Variants in SMC4 observed in about 807,000 individuals in gnomAD.
The protein encoded by SMC4 is structural maintenance of chromosomes protein 4.
A neutral mutation model predicts 145.6 loss-of-function variants in SMC4; 87 were observed. That is an observed-to-expected ratio of 0.60 (90% CI 0.50 to 0.71). SMC4 has a LOEUF of 0.71. SMC4 is among the 30% of genes least tolerant of loss of function. The probability of loss-of-function intolerance (pLI) is 0.00; values close to 1 mark genes in which losing one functional copy is unlikely to be tolerated. For synonymous variants in SMC4, 558 were observed against 500.7 expected, an observed-to-expected ratio of 1.11 and a Z score of -1.53; for missense variants, 1,447 against 1,537.1, an observed-to-expected ratio of 0.94 and a Z score of 0.98.
rs1284256667 is a variant in SMC4, at chr3:160,431,827, T to C, written c.3297+2T>C. On this transcript the variant is annotated splice_donor_variant, in intron 21 of 23. Transcript: ENST00000357388. LOFTEE classifies it high-confidence loss of function. ...GCCATCGCAGAGTATAAAAAGAAGGTATGAATGAACTGTGTATGTATACTA... is the reference window on the plus strand; with the variant it reads ...GCCATCGCAGAGTATAAAAAGAAGGCATGAATGAACTGTGTATGTATACTA... 2 of 1,610,996 alleles carry C rather than the reference T, an allele frequency of 1.2e-6. No homozygotes were observed. The highest frequency in any genetic ancestry group is 1.7e-5 in the Admixed American group (1 of 58,906).
chr3:160,407,221 A>G (rs1265167042), intron 5 of SMC4, among the ~76,000 whole-genome samples: 1 of 152,196 alleles, frequency 6.6e-6, no homozygotes, highest in Admixed American at 6.5e-5. Context: ...TTTCAACTTC[A>G]TATGCTTTTG....
rs1220577474 is a variant in SMC4 at position 160,420,787 on chromosome 3, C to T, written c.1905C>T (p.Ser635=). 1.2e-6 allele frequency: 2 copies of T among 1,613,950 alleles called. No homozygotes were observed. The highest frequency in any genetic ancestry group is 2.2e-5 in the East Asian group (1 of 44,870). Residue 635 remains serine (S), a synonymous_variant, in exon 13 of 24, where the codon TCC becomes TCT. Coordinates refer to ENST00000357388, the MANE Select transcript of SMC4 (RefSeq NM_001002800.3). ...AAAAATACGACGTGGCTATATCATC[C>T]TGTTGTCATGCACTGGACTACATTG... ...IDEKYDVAIS[S]CCHALDYIVV... is the part of the protein sequence containing the mutation.
At chr3:160,420,933 G>C (rs764399162) in intron 13 of SMC4, 32 bp downstream of exon 13, 1 of 1,560,976 alleles carries the variant, frequency 6.4e-7, no homozygotes, top group Non-Finnish European at 8.7e-7. Context: ...CCTATAATTG[G>C]AATTTTTTTT....
At chr3:160,428,278 T>C (rs1003171682) in intron 17 of SMC4, among the ~76,000 whole-genome samples, 1 of 152,208 alleles carries the variant, frequency 6.6e-6, no homozygotes, top group African/African-American at 2.4e-5. Context: ...ACTTTTACTC[T>C]TCGTTGTCAC....
At chr3:160,412,537 T>G in intron 7 of SMC4, 84 bp downstream of exon 7, 2 of 1,441,800 alleles carry the variant, frequency 1.4e-6, no homozygotes, top group Non-Finnish European at 1.8e-6. Flanking sequence ...TAGAGAAACA[T>G]GAAGACTGAA....
intron 20 of SMC4, 120 bp from the exon 21 acceptor site, chr3:160,431,523 A>G: frequency 1.3e-6 from 1 of 788,354 alleles, no homozygotes; most frequent in Non-Finnish European, 2.0e-6. Flanking sequence ...AAAATAATTG[A>G]TAAATCAGTC....
rs373841488 is a variant in SMC4 at position 160,423,356 on chromosome 3, TTTG to T, written c.2020-66_2020-64del. On this transcript the variant is annotated intron_variant, in intron 13 of 23. Coordinates refer to ENST00000357388, the MANE Select transcript of SMC4 (RefSeq NM_001002800.3). ...TTGAATTTATTCCTATGGGTTTTTT[TTTG>T]TTTTTTTTTTTGAGTTTTCTTTTTT... 4,759 of 862,424 alleles carry T rather than the reference TTTG, an allele frequency of 5.5e-3. 120 individuals carry two copies. The highest frequency in any genetic ancestry group is 0.038 in the African/African-American group (1,628 of 42,566). The allele number at this position is 862,424 out of a possible 1,614,324, so 53.4% of individuals were successfully genotyped here.
intron 2 of SMC4, among the ~76,000 whole-genome samples, chr3:160,401,231 C>CA (rs1714601071): frequency 6.6e-6 from 1 of 151,664 alleles, no homozygotes; most frequent in Non-Finnish European, 1.5e-5. Flanking sequence ...TGGTACAGGT[C>CA]ACAAACAAAA....
chr3:160,428,595 C>G (rs1338631449), intron 17 of SMC4, among the ~76,000 whole-genome samples, 158 bp from the exon 18 acceptor site: 1 of 151,652 alleles, frequency 6.6e-6, no homozygotes, highest in African/African-American at 2.4e-5. Flanking sequence ...TGTTTTGATA[C>G]AGGATATCGT....
At position 160,411,668 on chromosome 3, in the gene SMC4, C is replaced by T. The variant is rs530099297; in HGVS notation, c.688-252C>T. On this transcript the variant is annotated intron_variant, in intron 5 of 23. Transcript: ENST00000357388. ...AGTGTGTGTAAGTGGGTGTATATTA[C>T]ACTTTTATAAGGATTTATCTAAGGG... 2.5e-4 allele frequency: 71 copies of T among 286,030 alleles called. No individual in the cohort carries two copies. In the South Asian group the frequency reaches 6.2e-3, roughly 25 times the overall value. 17.7% of individuals were successfully genotyped at this position (286,030 alleles called of 1,614,324 possible).
At chr3:160,402,207 T>G in intron 3 of SMC4, 114 bp downstream of exon 3, 1 of 594,650 alleles carries the variant, frequency 1.7e-6, no homozygotes, top group Non-Finnish European at 2.8e-6. Context: ...CACTCCCTAT[T>G]TATCCTGATA....
chr3:160,418,869 A>G (rs1229660082), intron 11 of SMC4, among the ~76,000 whole-genome samples: 1 of 151,710 alleles, frequency 6.6e-6, no homozygotes, highest in East Asian at 1.9e-4. Context: ...GCATTTTTGT[A>G]TAGCAATAGG....
intron 17 of SMC4, among the ~76,000 whole-genome samples, chr3:160,427,467 G>T (rs1717911954): frequency 1.3e-5 from 2 of 152,100 alleles, no homozygotes; most frequent in Admixed American, 1.3e-4. Context: ...CACAACAATG[G>T]CTTTGATGGT....
chr3:160,429,650 T>C (rs1718164668), intron 18 of SMC4, among the ~76,000 whole-genome samples: 1 of 150,590 alleles, frequency 6.6e-6, no homozygotes, highest in African/African-American at 2.4e-5. Context: ...CCCAGCCACC[T>C]TAAAATTTTA....
At chr3:160,400,721 C>T (rs1380128150) in intron 1 of SMC4, 101 bp from the exon 2 acceptor site, 3 of 1,345,868 alleles carry the variant, frequency 2.2e-6, no homozygotes, top group Non-Finnish European at 2.9e-6. Context: ...GAGTGTTAAG[C>T]GGGGCTCTCG....
At position 160,417,810 on chromosome 3, in the gene SMC4, T is replaced by C. The variant is rs778228208; in HGVS notation, c.1525T>C (p.Tyr509His). The C allele has an allele frequency of 6.2e-7, 1 of 1,613,762 alleles. No homozygotes were observed. Among genetic ancestry groups the C allele is most frequent in the East Asian group, 2.2e-5 (1 of 44,854 alleles). ...MDVAQSELDI[Y>H]LSRHNTAVSQ... Reference sequence around the variant, plus strand: ...TGTAGCCCAGTCAGAACTTGATATCTATCTCAGTCGTCATAATACTGCAGT... The same window carrying C: ...TGTAGCCCAGTCAGAACTTGATATCCATCTCAGTCGTCATAATACTGCAGT... Residue 509 changes from tyrosine to histidine, a missense_variant, in exon 11 of 24, where the codon TAT becomes CAT. Tyr to His is a moderately conservative substitution (Grantham distance 83). Coordinates refer to ENST00000357388, the MANE Select transcript of SMC4 (RefSeq NM_001002800.3).
At position 160,424,963 on chromosome 3, in the gene SMC4, C is replaced by T. The variant is rs1353677706; in HGVS notation, c.2422C>T (p.Arg808Trp). The T allele has an allele frequency of 8.7e-6, 14 of 1,612,440 alleles. No individual in the cohort carries two copies. Among genetic ancestry groups the T allele is most frequent in the East Asian group, 6.7e-5 (3 of 44,852 alleles). Residue 808 changes from arginine (R) to tryptophan (W), a missense_variant, in exon 16 of 24, where the codon CGG becomes TGG. Transcript: ENST00000357388. ...VQLEERVVKL[R>W]HSEREMRNTL... ...ACTTGAAGAAAGAGTAGTTAAGTTA[C>T]GGCATAGTGAACGAGAAATGAGGAA...
intron 16 of SMC4, among the ~76,000 whole-genome samples, chr3:160,425,349 ACT>A (rs1353389294): frequency 6.6e-6 from 1 of 151,842 alleles, no homozygotes; most frequent in Non-Finnish European, 1.5e-5. Flanking sequence ...ATGCACGCCC[ACT>A]GTTTTTTTAA....
chr3:160,429,294 A>G (rs915304638), intron 18 of SMC4, among the ~76,000 whole-genome samples: 1 of 152,178 alleles, frequency 6.6e-6, no homozygotes, highest in Admixed American at 6.5e-5. Context: ...AAAAGAGGTA[A>G]AAATGGGATC....
Sources: allele counts gnomAD v4.1 joint callset (sites outside exome capture counted in the v4.1 genomes callset), GRCh38; gene constraint gnomAD v4.1.1; transcripts MANE v1.5; gene names NCBI Gene and HGNC (gene_info 2026-07-23, HGNC 2026-07-21).